Variants in KIF17 observed in about 807,000 individuals in gnomAD.
KIF17 encodes the protein kinesin-like protein KIF17.
In KIF17, 80 loss-of-function variants were observed where a neutral mutation model predicts 96.8. The observed-to-expected ratio is 0.83, with a 90% CI of 0.69 to 1.00. The LOEUF (loss-of-function observed/expected upper bound fraction) is 1.00. Ranked by LOEUF, KIF17 falls within the 50% of genes least tolerant of loss-of-function variation. The probability of loss-of-function intolerance (pLI) is 0.00; values close to 1 mark genes in which losing one functional copy is unlikely to be tolerated. For missense variants in KIF17, 1,280 were observed against 1,372.9 expected, an observed-to-expected ratio of 0.93 and a Z score of 1.07; for synonymous variants, 567 against 587.5, an observed-to-expected ratio of 0.97 and a Z score of 0.51.
rs1474093192 is a variant in KIF17, at chr1:20,713,460, C to T, written c.474G>A (p.Lys158=). 2.5e-6 allele frequency: 4 copies of T among 1,612,660 alleles called. No homozygotes were observed. The highest frequency in any genetic ancestry group is 3.4e-6 in the Non-Finnish European group (4 of 1,179,416). ...ACAATGGGTCTGCACCCACCTCCAGCTTCTGCTTGGTGTCAGCCCCAAGGA... is the reference window on the plus strand; with the variant it reads ...ACAATGGGTCTGCACCCACCTCCAGTTTCTGCTTGGTGTCAGCCCCAAGGA... ...RDLLGADTKQ[K]LELKEHPEKG... Residue 158 remains lysine (K), a synonymous_variant, in exon 3 of 15, where the codon AAG becomes AAA. Transcript: ENST00000400463.
In KIF17 at chr1:20,666,279, G is replaced by A; in HGVS notation, c.2843C>T (p.Ala948Val). 3.1e-6 allele frequency: 5 copies of A among 1,614,200 alleles called. No homozygotes were observed. The highest frequency in any genetic ancestry group is 4.2e-6 in the Non-Finnish European group (5 of 1,180,032). ...MLSRSNSENI[A>V]SNYFRSKRAS... is the part of the protein sequence containing the mutation. The stretch of plus-strand genomic sequence containing the variant: ...CCGCTTAGATCGGAAGTAGTTGCTG[G>A]CAATGTTTTCACTGTTGCTCCGACT... Residue 948 changes from alanine (A) to valine (V), a missense_variant, in exon 14 of 15, where the codon GCC (alanine) becomes GTC (valine). Transcript: ENST00000400463.
intron 4 of KIF17, among the ~76,000 whole-genome samples, chr1:20,706,278 A>G (rs1391596529): frequency 6.6e-6 from 1 of 151,478 alleles, no homozygotes; most frequent in East Asian, 2.0e-4. Context: ...ATTCGTAGCC[A>G]GCTGGTTCTT....
chr1:20,688,009 G>A (rs557912022), intron 7 of KIF17, 65 bp from the exon 8 acceptor site: 2 of 1,383,770 alleles, frequency 1.4e-6, no homozygotes, highest in African/African-American at 1.4e-5. Context: ...TCCCTAGAAG[G>A]TGGCTCCAAG....
rs41302005 is a variant in KIF17, at chr1:20,698,367, C to A, written c.1233+12G>T. 0.033 allele frequency: 53,136 copies of A among 1,602,586 alleles called. 1,035 individuals carry two copies. The highest frequency in any genetic ancestry group is 0.037 in the Non-Finnish European group (43,201 of 1,169,878). ...TGTCCCTTCTCCATGTTCCCACCCG[C>A]TTGGGTCTCACCTCCCGGATCAGCT... On this transcript the variant is annotated intron_variant, in intron 6 of 14. Coordinates refer to ENST00000400463, the MANE Select transcript of KIF17 (RefSeq NM_001122819.3).
intron 5 of KIF17, among the ~76,000 whole-genome samples, chr1:20,703,518 G>A (rs1162012901): frequency 1.3e-5 from 2 of 151,302 alleles, no homozygotes; most frequent in East Asian, 3.9e-4. Flanking sequence ...ATGGATGGAT[G>A]GATGGATGGA....
At chr1:20,696,274 C>G (rs1448391821) in intron 6 of KIF17, among the ~76,000 whole-genome samples, 1 of 152,144 alleles carries the variant, frequency 6.6e-6, no homozygotes, top group African/African-American at 2.4e-5. Context: ...AAGGGAAACA[C>G]GGTCCCAGGA....
chr1:20,708,456 G>A (rs2054380793), intron 4 of KIF17, among the ~76,000 whole-genome samples: 1 of 152,186 alleles, frequency 6.6e-6, no homozygotes. Flanking sequence ...ATCACACCCA[G>A]CTAATTCCTG....
chr1:20,708,478 T>C (rs541562213), intron 4 of KIF17, among the ~76,000 whole-genome samples: 1 of 152,290 alleles, frequency 6.6e-6, no homozygotes, highest in South Asian at 2.1e-4. Context: ...CCCTGATCCC[T>C]GGGTCAGGGA....
At chr1:20,713,690 TC>T in intron 2 of KIF17, 135 bp from the exon 3 acceptor site, 1 of 725,692 alleles carries the variant, frequency 1.4e-6, no homozygotes. Context: ...AAGAGGAGTC[TC>T]CAACCCAACC....
intron 11 of KIF17, among the ~76,000 whole-genome samples, chr1:20,673,891 T>C (rs1418883159): frequency 6.6e-6 from 1 of 151,916 alleles, no homozygotes; most frequent in Non-Finnish European, 1.5e-5. Flanking sequence ...AATCATTATA[T>C]GTTTTTGTAC....
Position 20,664,461 on chromosome 1 carries a change from T to C in KIF17, c.*123A>G. Reference sequence around the variant, plus strand: ...GGAAGGGAATGTGTCTTCCCAGGGCTGAGGGAGCCCTCAGGCCCCGGAGCG... The same window carrying C: ...GGAAGGGAATGTGTCTTCCCAGGGCCGAGGGAGCCCTCAGGCCCCGGAGCG... On this transcript the variant is annotated 3_prime_UTR_variant, in exon 15 of 15. Coordinates refer to ENST00000400463, the MANE Select transcript of KIF17 (RefSeq NM_001122819.3). 6.3e-7 allele frequency: 1 copy of C among 1,592,082 alleles called. No individual in the cohort carries two copies. Among genetic ancestry groups the C allele is most frequent in the Non-Finnish European group, 8.5e-7 (1 of 1,171,982 alleles).
rs561682578 is a variant in KIF17, at chr1:20,715,637, G to A, written c.234C>T (p.Gly78=). Residue 78 remains glycine, a splice_region_variant and synonymous_variant, in exon 2 of 15, where the codon GGC becomes GGT. Coordinates refer to ENST00000400463, the MANE Select transcript of KIF17 (RefSeq NM_001122819.3). The stretch of plus-strand genomic sequence containing the variant: ...TGGTGCCATTGTAGCCCTCAGTGAC[G>A]CCCTGCATGGGAGGAAGGCAGGACC... ...YNEIAYPLVE[G]VTEGYNGTIF... 2.5e-5 allele frequency: 40 copies of A among 1,613,854 alleles called. No individual in the cohort carries two copies. Among genetic ancestry groups the A allele is most frequent in the East Asian group, 1.1e-4 (5 of 44,888 alleles).
chr1:20,684,335 A>G (rs959480570), intron 10 of KIF17, among the ~76,000 whole-genome samples: 3 of 152,220 alleles, frequency 2.0e-5, no homozygotes, highest in Non-Finnish European at 4.4e-5. Flanking sequence ...TGACCACGAC[A>G]TGGAGGTCGG....
intron 1 of KIF17, 161 bp downstream of exon 1, chr1:20,717,315 T>G: frequency 1.4e-6 from 1 of 719,128 alleles, no homozygotes; most frequent in Non-Finnish European, 2.3e-6. Flanking sequence ...AGGCTCTGGT[T>G]GTGTCCCGCC....
intron 6 of KIF17, among the ~76,000 whole-genome samples, chr1:20,694,375 C>T (rs12728802): frequency 0.088 from 13,413 of 152,198 alleles, 684 homozygotes; most frequent in Non-Finnish European, 0.092. Flanking sequence ...GAAACACCTG[C>T]GGAGCCAGTA....
At chr1:20,675,370 C>A (rs921658320) in intron 11 of KIF17, among the ~76,000 whole-genome samples, 1 of 151,810 alleles carries the variant, frequency 6.6e-6, no homozygotes, top group Admixed American at 6.6e-5. Flanking sequence ...ATGGCGTGAA[C>A]CCCGGAGGCG....
chr1:20,677,065 G>T (rs770095757), intron 11 of KIF17, among the ~76,000 whole-genome samples: 3 of 152,114 alleles, frequency 2.0e-5, no homozygotes, highest in Admixed American at 2.0e-4. Flanking sequence ...ACAAAAATTA[G>T]CCAGGCATGG....
intron 10 of KIF17, among the ~76,000 whole-genome samples, chr1:20,683,434 C>G (rs1164452962): frequency 6.6e-6 from 1 of 152,118 alleles, no homozygotes; most frequent in African/African-American, 2.4e-5. Flanking sequence ...GCAGGCAAAT[C>G]ATTTGAGGTC....
At chr1:20,680,924 C>A (rs1484861993) in intron 11 of KIF17, among the ~76,000 whole-genome samples, 1 of 151,794 alleles carries the variant, frequency 6.6e-6, no homozygotes, top group African/African-American at 2.4e-5. Context: ...GAGATTGAGA[C>A]CATCCTGGCT....
Sources: gnomAD v4.1 joint callset for allele counts (sites outside exome capture counted in the v4.1 genomes callset) on GRCh38, gnomAD v4.1.1 for gene constraint, MANE v1.5 for transcripts, NCBI Gene and HGNC (gene_info 2026-07-23, HGNC 2026-07-21) for gene names.